The following HSD17B12 variants were observed in gnomAD, a reference collection of about 807,000 sequenced individuals.
HSD17B12 encodes the protein very-long-chain 3-oxoacyl-CoA reductase.
In HSD17B12, 32 loss-of-function variants were observed where a neutral mutation model predicts 39.3. The observed-to-expected ratio is 0.81, with a 90% CI of 0.61 to 1.09. The LOEUF (loss-of-function observed/expected upper bound fraction) is 1.09, where lower values mean the gene tolerates loss of function less well. HSD17B12 is among the 50% of genes least tolerant of loss of function. The pLI is 0.00. For missense variants in HSD17B12, 342 were observed against 382.9 expected (o/e 0.89, Z 0.89); for synonymous variants, 150 against 146.7 (o/e 1.02, Z -0.16).
chr11:43,770,328 G>A (rs914246465), intron 3 of HSD17B12, among the ~76,000 whole-genome samples: 1 of 152,178 alleles, frequency 6.6e-6, no homozygotes. Context: ...TCCTTTAGAT[G>A]GGAATGCTCC....
At chr11:43,678,193 G>C (rs1187479954), upstream of HSD17B12, among the ~76,000 whole-genome samples, 1 of 74,720 alleles carries the variant, frequency 1.3e-5, no homozygotes, top group East Asian at 1.6e-3. Context: ...GTGATGATGA[G>C]CATTTTTTCA....
At chr11:43,814,950 C>G (rs1364339845) in intron 4 of HSD17B12, among the ~76,000 whole-genome samples, 2 of 152,194 alleles carry the variant, frequency 1.3e-5, no homozygotes, top group Non-Finnish European at 2.9e-5. Flanking sequence ...TAAATGAGCT[C>G]TCATTCTGGA....
chr11:43,763,937 C>T (rs149261844), intron 3 of HSD17B12, among the ~76,000 whole-genome samples: 4 of 152,068 alleles, frequency 2.6e-5, no homozygotes, highest in East Asian at 3.9e-4. Context: ...GTTGATACCA[C>T]GTTTGTCCAA....
intron 7 of HSD17B12, among the ~76,000 whole-genome samples, chr11:43,835,375 C>G: frequency 6.6e-6 from 1 of 152,088 alleles, no homozygotes; most frequent in Non-Finnish European, 1.5e-5. Flanking sequence ...TGCTCAGCCC[C>G]GTTTCTACAT....
At chr11:43,719,927 G>A (rs1950161297) in intron 1 of HSD17B12, among the ~76,000 whole-genome samples, 1 of 152,110 alleles carries the variant, frequency 6.6e-6, no homozygotes, top group Admixed American at 6.5e-5. Context: ...AACTTTGAGA[G>A]TTTTCTATGA....
intron 4 of HSD17B12, among the ~76,000 whole-genome samples, chr11:43,806,902 A>G (rs904966813): frequency 1.3e-5 from 2 of 152,228 alleles, no homozygotes; most frequent in African/African-American, 4.8e-5. Context: ...GATTATATGA[A>G]TGTACCAAAT....
chr11:43,825,410 T>C (rs1951225189), intron 6 of HSD17B12, among the ~76,000 whole-genome samples: 1 of 152,172 alleles, frequency 6.6e-6, no homozygotes, highest in Admixed American at 6.5e-5. Flanking sequence ...GCCTCTGGCA[T>C]GTGACACAAT....
chr11:43,727,978 T>A (rs907030132), intron 1 of HSD17B12, among the ~76,000 whole-genome samples: 1 of 152,216 alleles, frequency 6.6e-6, no homozygotes, highest in Non-Finnish European at 1.5e-5. Context: ...AGGCTTTAAA[T>A]ACAAACTGAA....
chr11:43,839,665 G>A (rs1480495441), intron 8 of HSD17B12, among the ~76,000 whole-genome samples: 5 of 152,086 alleles, frequency 3.3e-5, no homozygotes, highest in Non-Finnish European at 7.4e-5. Flanking sequence ...GGCAAGTGGA[G>A]AGATGAAATG....
intron 4 of HSD17B12, among the ~76,000 whole-genome samples, chr11:43,799,293 G>C (rs1276468032): frequency 6.6e-6 from 1 of 152,008 alleles, no homozygotes; most frequent in Non-Finnish European, 1.5e-5. Context: ...CATCTACTCT[G>C]TGGAGCTCTG....
the HSD17B12 span, among the ~76,000 whole-genome samples, chr11:43,657,187 A>T: frequency 6.6e-6 from 1 of 151,902 alleles, no homozygotes; most frequent in African/African-American, 2.4e-5. Flanking sequence ...ATCTTTGTTG[A>T]TTTAAAGTCT....
At chr11:43,768,764 G>C (rs117735198) in intron 3 of HSD17B12, among the ~76,000 whole-genome samples, 2 of 152,184 alleles carry the variant, frequency 1.3e-5, no homozygotes, top group African/African-American at 2.4e-5. Flanking sequence ...AGACCAGAGC[G>C]GGTTGCCGTG....
intron 1 of HSD17B12, among the ~76,000 whole-genome samples, chr11:43,744,485 G>A (rs191540918): frequency 6.6e-6 from 1 of 152,168 alleles, no homozygotes; most frequent in African/African-American, 2.4e-5. Context: ...TTCCTACTTA[G>A]AATTCTATAC....
At chr11:43,573,054 C>T in the HSD17B12 span, among the ~76,000 whole-genome samples, 1 of 152,172 alleles carries the variant, frequency 6.6e-6, no homozygotes, top group Non-Finnish European at 1.5e-5. Flanking sequence ...TCAAGGGCTT[C>T]GTGATAAGCA....
At chr11:43,747,151 T>G (rs139682202) in intron 1 of HSD17B12, among the ~76,000 whole-genome samples, 1 of 152,340 alleles carries the variant, frequency 6.6e-6, no homozygotes, top group East Asian at 1.9e-4. Flanking sequence ...ATGCCGATCA[T>G]CATTTAAACA....
chr11:43,616,564 T>A, the HSD17B12 span, among the ~76,000 whole-genome samples: 1 of 151,920 alleles, frequency 6.6e-6, no homozygotes, highest in Non-Finnish European at 1.5e-5. Flanking sequence ...ATATTTTAAT[T>A]TATTAAATCT....
the HSD17B12 span, among the ~76,000 whole-genome samples, chr11:43,613,756 T>C: frequency 6.6e-6 from 1 of 151,936 alleles, no homozygotes; most frequent in Non-Finnish European, 1.5e-5. Context: ...AAACTCCGCC[T>C]CCTGGGTTCA....
chr11:43,572,984 C>G, the HSD17B12 span, among the ~76,000 whole-genome samples: 1 of 152,130 alleles, frequency 6.6e-6, no homozygotes, highest in African/African-American at 2.4e-5. Context: ...AGGAGACAGT[C>G]GACGCAGGCA....
chr11:43,692,207 G>A (rs1312682681), intron 1 of HSD17B12, among the ~76,000 whole-genome samples: 2 of 152,076 alleles, frequency 1.3e-5, no homozygotes, highest in African/African-American at 4.8e-5. Flanking sequence ...TTCAATTGGG[G>A]GGTCAGATGT....
Sources: allele counts gnomAD v4.1 joint callset (sites outside exome capture counted in the v4.1 genomes callset), GRCh38; gene constraint gnomAD v4.1.1; transcripts MANE v1.5; gene names NCBI Gene and HGNC (gene_info 2026-07-23, HGNC 2026-07-21).